The following ZNF536 variants were observed in gnomAD, a reference collection of about 807,000 sequenced individuals.
ZNF536 encodes the protein zinc finger protein 536.
In ZNF536, 13 loss-of-function variants were observed where a neutral mutation model predicts 84.5. That is an observed-to-expected ratio of 0.15 (90% CI 0.10 to 0.24). The LOEUF is 0.24. Among genes scored for constraint, ZNF536 ranks in the 10% least tolerant of loss-of-function variants. The pLI, the probability that ZNF536 is intolerant of heterozygous loss-of-function variation, is 1.00. For missense variants in ZNF536, 1,536 were observed against 1,747.5 expected (o/e 0.88, Z 2.16); for synonymous variants, 811 against 742.5 (o/e 1.09, Z -1.50).
intron 3 of ZNF536, among the ~76,000 whole-genome samples, chr19:30,541,409 A>C (rs1250670292): frequency 6.6e-6 from 1 of 151,944 alleles, no homozygotes; most frequent in African/African-American, 2.4e-5. Flanking sequence ...AAAAAAAAAA[A>C]AAATCTCCAA....
chr19:30,413,572 G>A (rs1271561683), intron 1 of ZNF536, among the ~76,000 whole-genome samples: 1 of 152,122 alleles, frequency 6.6e-6, no homozygotes, highest in Non-Finnish European at 1.5e-5. Flanking sequence ...TTTCTGTTGG[G>A]TATGGGGTTC....
At chr19:30,274,349 G>A (rs1343605340) in intron 1 of ZNF536, among the ~76,000 whole-genome samples, 1 of 152,184 alleles carries the variant, frequency 6.6e-6, no homozygotes, top group Admixed American at 6.5e-5. Context: ...AGTCATGCAT[G>A]CATTTTTGAA....
chr19:30,384,096 TTC>T (rs773073556), intron 1 of ZNF536, among the ~76,000 whole-genome samples: 10,584 of 104,220 alleles, frequency 0.1, 1,078 homozygotes, highest in South Asian at 0.13. Context: ...GCCCACCTCT[TTC>T]TCTTTCTTTC....
intron 1 of ZNF536, among the ~76,000 whole-genome samples, chr19:30,658,506 T>C (rs1461385456): frequency 6.6e-6 from 1 of 151,998 alleles, no homozygotes; most frequent in African/African-American, 2.4e-5. Flanking sequence ...TATACTGTTC[T>C]CAATGCCTGG....
intron 1 of ZNF536, among the ~76,000 whole-genome samples, chr19:30,587,002 C>A (rs1417021866): frequency 6.6e-6 from 1 of 152,146 alleles, no homozygotes; most frequent in Non-Finnish European, 1.5e-5. Context: ...CTATAAGGGA[C>A]TCTCTAAGAA....
At chr19:30,385,069 T>C (rs1215986095) in intron 1 of ZNF536, among the ~76,000 whole-genome samples, 1 of 151,848 alleles carries the variant, frequency 6.6e-6, no homozygotes, top group Non-Finnish European at 1.5e-5. Context: ...CTCCCATTGG[T>C]TGCCAGTCCT....
rs140135167 is a variant in ZNF536, at chr19:30,238,255, C to A, written c.-190+9582C>A. Among the ~76,000 whole-genome samples, 213 of 152,284 alleles carry A rather than the reference C, an allele frequency of 1.4e-3. 1 individual carries two copies. The highest frequency in any genetic ancestry group is 4.8e-3 in the African/African-American group (200 of 41,550). On this transcript the variant is annotated intron_variant, in intron 1 of 5. Transcript: ENST00000585628. ...AGTGCCATTCCTCCTTCCTTCCTGGCTGGTCTTTGGGGTGATGTACCTGGG... is the reference window on the plus strand; with the variant it reads ...AGTGCCATTCCTCCTTCCTTCCTGGATGGTCTTTGGGGTGATGTACCTGGG...
intron 2 of ZNF536, among the ~76,000 whole-genome samples, chr19:30,529,935 A>G (rs1440675196): frequency 6.6e-6 from 1 of 152,216 alleles, no homozygotes; most frequent in Non-Finnish European, 1.5e-5. Flanking sequence ...GAGTCAAGAA[A>G]AGAAACAAGG....
At chr19:30,704,624 G>A (rs982974713) in intron 1 of ZNF536, among the ~76,000 whole-genome samples, 1 of 132,958 alleles carries the variant, frequency 7.5e-6, no homozygotes, top group South Asian at 2.4e-4. Flanking sequence ...TCCAGCCTGG[G>A]CAACAAGAGT....
intron 1 of ZNF536, among the ~76,000 whole-genome samples, chr19:30,265,887 T>G (rs2025485623): frequency 6.6e-6 from 1 of 151,802 alleles, no homozygotes; most frequent in Admixed American, 6.6e-5. Flanking sequence ...GTTTCTCTTT[T>G]CTTTTTTTTT....
At chr19:30,376,876 C>G (rs868606365) in intron 1 of ZNF536, among the ~76,000 whole-genome samples, 1 of 152,208 alleles carries the variant, frequency 6.6e-6, no homozygotes, top group African/African-American at 2.4e-5. Flanking sequence ...ACCTTACCTT[C>G]GGGTTCATTG....
intron 1 of ZNF536, among the ~76,000 whole-genome samples, chr19:30,683,743 T>C (rs1393833424): frequency 1.3e-5 from 2 of 152,228 alleles, no homozygotes; most frequent in East Asian, 1.9e-4. Flanking sequence ...TAACAACACA[T>C]TGGATTTCTC....
intron 1 of ZNF536, among the ~76,000 whole-genome samples, chr19:30,644,172 C>A (rs185038086): frequency 3.3e-5 from 5 of 152,282 alleles, no homozygotes; most frequent in African/African-American, 1.2e-4. Context: ...GAGGGATCTG[C>A]AGTCAAAACA....
At chr19:30,434,802 GTGATGGTGA>G (rs1282365644) in intron 1 of ZNF536, among the ~76,000 whole-genome samples, 1 of 151,818 alleles carries the variant, frequency 6.6e-6, no homozygotes, top group African/African-American at 2.4e-5. Context: ...GATGATGATG[GTGATGGTGA>G]TGATGGTGGT....
At chr19:30,295,614 G>A (rs971715372) in intron 2 of ZNF536, among the ~76,000 whole-genome samples, 3 of 152,202 alleles carry the variant, frequency 2.0e-5, no homozygotes, top group East Asian at 3.9e-4. Context: ...TATTCATGAA[G>A]CAGAAACCTC....
chr19:30,408,369 C>T (rs994823566), intron 1 of ZNF536, among the ~76,000 whole-genome samples: 2 of 152,144 alleles, frequency 1.3e-5, no homozygotes, highest in African/African-American at 4.8e-5. Flanking sequence ...GCATGGTATC[C>T]AGGGGATGCC....
intron 2 of ZNF536, among the ~76,000 whole-genome samples, chr19:30,453,180 C>A (rs1476037397): frequency 6.6e-6 from 1 of 152,154 alleles, no homozygotes; most frequent in Non-Finnish European, 1.5e-5. Context: ...GTCCCCCCCA[C>A]CCCCAAAAGG....
chr19:30,478,060 G>A lies in ZNF536; in HGVS notation c.2170+32328G>A, dbSNP rs532062504. 1.3e-4 allele frequency among the ~76,000 whole-genome samples: 20 copies of A among 151,916 alleles called. 1 individual carries two copies. In the South Asian group the frequency reaches 4.0e-3, roughly 30 times the overall value. On this transcript the variant is annotated intron_variant, in intron 2 of 4. Coordinates refer to ENST00000355537, the MANE Select transcript of ZNF536 (RefSeq NM_014717.3). Reference sequence around the variant, plus strand: ...GCTCCACCACTCTGCAGACCTCGGCGTCCTTGAAGGAGCTCGGGAACAGAG... The same window carrying A: ...GCTCCACCACTCTGCAGACCTCGGCATCCTTGAAGGAGCTCGGGAACAGAG...
chr19:30,226,671 A>T (rs1297959056), upstream of ZNF536, among the ~76,000 whole-genome samples: 2 of 152,232 alleles, frequency 1.3e-5, no homozygotes, highest in East Asian at 3.9e-4. This position sits in a 1 kb window ranked among gnomAD's most constrained non-coding sequence, Gnocchi z 4.6. Flanking sequence ...GGGGCCAAAG[A>T]GGAAATAAAT....
Sources: allele counts gnomAD v4.1 joint callset (sites outside exome capture counted in the v4.1 genomes callset), GRCh38; gene constraint gnomAD v4.1.1; non-coding constraint Gnocchi (gnomAD v3.1); transcripts MANE v1.5; gene names NCBI Gene and HGNC (gene_info 2026-07-23, HGNC 2026-07-21).